ETFDH: variants seen among roughly 807,000 people sequenced by gnomAD.
ETFDH encodes electron transfer flavoprotein-ubiquinone oxidoreductase, mitochondrial.
Under a neutral mutation model 73.2 loss-of-function variants are expected in ETFDH, and 61 were observed. The observed-to-expected ratio is 0.83, with a 90% CI of 0.68 to 1.03. The LOEUF (loss-of-function observed/expected upper bound fraction) is 1.03. ETFDH is among the 50% of genes least tolerant of loss of function. The pLI is 0.00. For missense variants in ETFDH, 685 were observed against 745.0 expected (o/e 0.92, Z 0.94); for synonymous variants, 243 against 253.3 (o/e 0.96, Z 0.39).
Position 158,708,401 on chromosome 4 carries a change from A to G in ETFDH, c.1728A>G (p.Gly576=). Residue 576 remains glycine, a synonymous_variant, in exon 13 of 13, where the codon GGA becomes GGG. Transcript: ENST00000511912. ...TTGTACCTGTGGAACAAGGTGATGG[A>G]TTTCGGTTACAGATAAATGCTCAGA... ...YEFVPVEQGD[G]FRLQINAQNC... 6.2e-7 allele frequency: 1 copy of G among 1,612,416 alleles called. No homozygotes were observed. The highest frequency in any genetic ancestry group is 8.5e-7 in the Non-Finnish European group (1 of 1,178,492).
Position 158,709,037 on chromosome 4 carries a change from G to GTGTGTGTGTT in ETFDH, c.*519_*520insTTGTGTGTGT, listed in dbSNP as rs1774724189. 1 of 41,110 alleles carries GTGTGTGTGTT rather than the reference G, an allele frequency of 2.4e-5. No individual in the cohort carries two copies. The highest frequency in any genetic ancestry group is 1.4e-4 in the Non-Finnish European group (1 of 7,372). The allele number at this position is 41,110 out of a possible 1,614,324, so 2.5% of individuals were successfully genotyped here. On this transcript the variant is annotated 3_prime_UTR_variant, in exon 13 of 13. Coordinates refer to ENST00000511912, the MANE Select transcript of ETFDH (RefSeq NM_004453.4). ...AACAAGTTTGTGTGTGTGTGTGTGT[G>GTGTGTGTGTT]TGTGTGTGTGTGTGTGTGTGTATTA...
chr4:158,682,098 ATAAT>A, intron 2 of ETFDH, 93 bp from the exon 3 acceptor site: 2 of 1,552,308 alleles, frequency 1.3e-6, no homozygotes, highest in East Asian at 2.2e-5. Flanking sequence ...ATTTCCATAA[ATAAT>A]ACTCTAAAGC....
At chr4:158,683,197 C>A (rs1773909033) in intron 3 of ETFDH, among the ~76,000 whole-genome samples, 1 of 152,068 alleles carries the variant, frequency 6.6e-6, no homozygotes, top group Non-Finnish European at 1.5e-5. Context: ...TACAGAGGAC[C>A]AAGTCCAAGT....
At chr4:158,696,167 A>G (rs1465435963) in intron 7 of ETFDH, among the ~76,000 whole-genome samples, 1 of 152,204 alleles carries the variant, frequency 6.6e-6, no homozygotes, top group African/African-American at 2.4e-5. Flanking sequence ...TCCTAGGCTT[A>G]TTAGAATGTA....
intron 2 of ETFDH, 140 bp downstream of exon 2, chr4:158,680,747 A>G (rs900539603): frequency 1.8e-5 from 13 of 721,200 alleles, no homozygotes; most frequent in Non-Finnish European, 2.9e-5. Flanking sequence ...ATGCTGCATA[A>G]TGACCCTTCA....
chr4:158,697,670 G>C lies in ETFDH; in HGVS notation c.943G>C (p.Gly315Arg). ...ATCTTTCCTCTATCATTTGAATGAA[G>C]GTGAACCCCTAGTAGCTCTTGGTCT... ...GGSFLYHLNEGEPLVALGLVV... is the reference protein window; with the variant it reads ...GGSFLYHLNEREPLVALGLVV... The change falls in exon 8 of 13, where the codon GGT (glycine) becomes CGT (arginine). Residue 315 changes from glycine to arginine, a missense_variant. Coordinates refer to ENST00000511912, the MANE Select transcript of ETFDH (RefSeq NM_004453.4). 2 of 1,613,774 alleles carry C rather than the reference G, an allele frequency of 1.2e-6. No individual in the cohort carries two copies. Among genetic ancestry groups the C allele is most frequent in the Non-Finnish European group, 1.7e-6 (2 of 1,179,842 alleles).
rs1371203491 is a variant in ETFDH at position 158,708,394 on chromosome 4, G to A, written c.1721G>A (p.Gly574Asp). The part of the protein sequence containing the change: ...GVYEFVPVEQ[G>D]DGFRLQINAQ... ...TATGAATTTGTACCTGTGGAACAAGGTGATGGATTTCGGTTACAGATAAAT... is the reference window on the plus strand; with the variant it reads ...TATGAATTTGTACCTGTGGAACAAGATGATGGATTTCGGTTACAGATAAAT... Residue 574 changes from glycine (G) to aspartate (D), a missense_variant, in exon 13 of 13, where the codon GGT becomes GAT. Physicochemically the swap from Gly to Asp is moderately conservative, Grantham distance 94. Around this residue, in one of 3 missense-constraint regions of ETFDH, gnomAD observed 201 missense variants for 225.2 expected, o/e 0.89. Transcript: ENST00000511912. 1.9e-6 allele frequency: 3 copies of A among 1,612,280 alleles called. No homozygotes were observed. The highest frequency in any genetic ancestry group is 2.2e-5 in the South Asian group (2 of 91,024).
At chr4:158,681,106 T>G (rs1485989406) in intron 2 of ETFDH, among the ~76,000 whole-genome samples, 1 of 152,218 alleles carries the variant, frequency 6.6e-6, no homozygotes, top group Non-Finnish European at 1.5e-5. Context: ...TCAGGAGGTA[T>G]TCTGGAAGAA....
At chr4:158,707,268 T>C (rs1158206000) in intron 12 of ETFDH, among the ~76,000 whole-genome samples, 1 of 152,200 alleles carries the variant, frequency 6.6e-6, no homozygotes, top group Non-Finnish European at 1.5e-5. Flanking sequence ...GTGCTGAGCT[T>C]TCAACTGAAA....
At chr4:158,690,990 A>G (rs1774150485) in intron 6 of ETFDH, among the ~76,000 whole-genome samples, 1 of 152,188 alleles carries the variant, frequency 6.6e-6, no homozygotes, top group Non-Finnish European at 1.5e-5. Context: ...TATAGAAGCA[A>G]CTTTGAGCTA....
intron 9 of ETFDH, among the ~76,000 whole-genome samples, chr4:158,701,263 G>A (rs143636774): frequency 6.6e-6 from 1 of 152,188 alleles, no homozygotes; most frequent in South Asian, 2.1e-4. Context: ...TCTGGTTCTT[G>A]AATCGAACTT....
chr4:158,682,166 A>T, intron 2 of ETFDH, 29 bp from the exon 3 acceptor site: 1 of 1,612,908 alleles, frequency 6.2e-7, no homozygotes, highest in African/African-American at 1.3e-5. Context: ...ATTGGGTTAT[A>T]TTAATCCCAG....
At chr4:158,694,985 C>T (rs1369495182) in intron 6 of ETFDH, among the ~76,000 whole-genome samples, 2 of 152,162 alleles carry the variant, frequency 1.3e-5, no homozygotes, top group Non-Finnish European at 2.9e-5. Flanking sequence ...TATGAAAAAT[C>T]GGTCTTCCAT....
At position 158,695,647 on chromosome 4, in the gene ETFDH, T is replaced by C. The variant is rs752971257; in HGVS notation, c.831+4T>C. 1.1e-4 allele frequency: 174 copies of C among 1,602,204 alleles called. No individual in the cohort carries two copies. Among genetic ancestry groups the C allele is most frequent in the Non-Finnish European group, 1.5e-4 (170 of 1,169,420 alleles). On this transcript the variant is annotated splice_donor_region_variant and intron_variant, in intron 7 of 12. Transcript: ENST00000511912. ...CTACGGGATTGGACTGAAGGAGGTA[T>C]CCTGGTTTGTTTCTGTAATTTTAAT...
At chr4:158,688,989 G>A (rs78628731) in intron 5 of ETFDH, among the ~76,000 whole-genome samples, 1,837 of 152,200 alleles carry the variant, frequency 0.012, 28 homozygotes, top group Non-Finnish European at 0.015. Flanking sequence ...GACACAGGAA[G>A]ACAGGAGGCA....
intron 8 of ETFDH, among the ~76,000 whole-genome samples, chr4:158,698,488 T>A (rs987956733): frequency 6.6e-6 from 1 of 152,216 alleles, no homozygotes; most frequent in Non-Finnish European, 1.5e-5. Flanking sequence ...TTTTTCTGAG[T>A]GTAGTTTACA....
At chr4:158,698,855 C>T (rs997390438) in intron 8 of ETFDH, 132 bp from the exon 9 acceptor site, 4 of 655,928 alleles carry the variant, frequency 6.1e-6, no homozygotes, top group Non-Finnish European at 1.1e-5. Context: ...TGGATTACTG[C>T]ACATAGTGCT....
At chr4:158,693,749 C>A (rs1774238931) in intron 6 of ETFDH, among the ~76,000 whole-genome samples, 1 of 151,978 alleles carries the variant, frequency 6.6e-6, no homozygotes, top group African/African-American at 2.4e-5. Context: ...ACAGACAAAC[C>A]TTTTTTAACT....
intron 6 of ETFDH, among the ~76,000 whole-genome samples, chr4:158,693,328 A>G (rs940586696): frequency 2.0e-5 from 3 of 152,118 alleles, no homozygotes; most frequent in Admixed American, 6.5e-5. Flanking sequence ...CCTATCTCCA[A>G]TATGCATCTT....
Sources: allele counts gnomAD v4.1 joint callset (sites outside exome capture counted in the v4.1 genomes callset), GRCh38; gene constraint gnomAD v4.1.1; regional missense constraint gnomAD v4.1.1; transcripts MANE v1.5; gene names NCBI Gene and HGNC (gene_info 2026-07-23, HGNC 2026-07-21).